SLC22A24: variants seen among roughly 807,000 people sequenced by gnomAD.
SLC22A24 encodes the protein solute carrier family 22 member 24, also known as steroid transmembrane transporter SLC22A24.
Under a neutral mutation model 49.8 loss-of-function variants are expected in SLC22A24, and 53 were observed. The observed-to-expected ratio is 1.06, with a 90% CI of 0.85 to 1.34. The LOEUF is 1.34. Ranked by LOEUF, SLC22A24 falls within the 40% of genes most tolerant of loss-of-function variation. The pLI, the probability that SLC22A24 is intolerant of heterozygous loss-of-function variation, is 0.00. For synonymous variants in SLC22A24, 302 were observed against 256.4 expected (o/e 1.18, Z -1.70); for missense variants, 786 against 675.9 (o/e 1.16, Z -1.81).
chr11:63,134,845 T>A, intron 1 of SLC22A24, 77 bp from the exon 2 acceptor site: 2 of 984,484 alleles, frequency 2.0e-6, no homozygotes, highest in Non-Finnish European at 3.1e-6. Flanking sequence ...TCCAAACTCC[T>A]ACATATGGTG....
chr11:63,099,657 T>C (rs1191679947), intron 5 of SLC22A24, among the ~76,000 whole-genome samples: 2 of 152,034 alleles, frequency 1.3e-5, no homozygotes, highest in Admixed American at 6.6e-5. Flanking sequence ...CTGATGAATA[T>C]TGATACAGAA....
At chr11:63,110,914 C>A (rs905967122) in intron 4 of SLC22A24, among the ~76,000 whole-genome samples, 1 of 151,118 alleles carries the variant, frequency 6.6e-6, no homozygotes, top group Admixed American at 6.6e-5. Context: ...AGAGGGCATC[C>A]CTGTCTTGTG....
chr11:63,096,162 A>T (rs2087053802), intron 5 of SLC22A24, 56 bp from the exon 6 acceptor site: 1 of 1,163,476 alleles, frequency 8.6e-7, no homozygotes, highest in Admixed American at 2.0e-5. Flanking sequence ...TGTGTCAGGC[A>T]TAGTGGTAAG....
At chr11:63,081,518 A>T (rs2086959889) in intron 8 of SLC22A24, 40 bp downstream of exon 8, 2 of 1,377,330 alleles carry the variant, frequency 1.5e-6, no homozygotes, top group Non-Finnish European at 2.0e-6. Context: ...TAAATTCAGA[A>T]ATTTGTGTTT....
At chr11:63,095,699 CA>C (rs1201265087) in intron 6 of SLC22A24, among the ~76,000 whole-genome samples, 1 of 152,008 alleles carries the variant, frequency 6.6e-6, no homozygotes, top group African/African-American at 2.4e-5. Context: ...ATTAGAAAAT[CA>C]AAAAATTAAA....
At chr11:63,097,875 C>G (rs545330528) in intron 5 of SLC22A24, among the ~76,000 whole-genome samples, 9 of 152,032 alleles carry the variant, frequency 5.9e-5, no homozygotes, top group African/African-American at 1.9e-4. Context: ...ACAATGAGAA[C>G]ACATGGACAC....
intron 6 of SLC22A24, 24 bp downstream of exon 6, chr11:63,095,967 G>A (rs1468021485): frequency 1.4e-6 from 2 of 1,475,120 alleles, no homozygotes; most frequent in African/African-American, 1.4e-5. Flanking sequence ...ATTTTAAAGT[G>A]AATCATCACC....
Position 63,143,912 on chromosome 11 carries a change from G to A in SLC22A24, c.-133C>T. On this transcript the variant is annotated 5_prime_UTR_variant, in exon 1 of 10. Transcript: ENST00000612278. ...CCTGACACTGCTTTCTTCTTGGTGG[G>A]CCCTGCACTGAGTGGTGTGACACTA... The A allele has an allele frequency of 1.5e-6, 1 of 680,572 alleles. No individual in the cohort carries two copies. Among genetic ancestry groups the A allele is most frequent in the Non-Finnish European group, 2.1e-6 (1 of 477,878 alleles). The allele number at this position is 680,572 out of a possible 1,614,324, so 42.2% of individuals were successfully genotyped here. A position where few individuals can be genotyped will look rare whatever the true frequency, so the allele number is the denominator to read the frequency against.
In SLC22A24 at chr11:63,119,110, T is replaced by A. The variant is rs1469379817; in HGVS notation, c.662-30A>T. The A allele has an allele frequency of 2.6e-6, 4 of 1,528,842 alleles. No individual in the cohort carries two copies. In the African/African-American group the frequency reaches 5.5e-5, roughly 21 times the overall value. 94.7% of individuals were successfully genotyped at this position (1,528,842 alleles called of 1,614,324 possible). On this transcript the variant is annotated intron_variant, in intron 3 of 9. Transcript: ENST00000612278. Reference sequence around the variant, plus strand: ...AAGAAAACATATACATAGTAATAATTTTAGACAAATGGTAATTTCAAGGTC... The same window carrying A: ...AAGAAAACATATACATAGTAATAATATTAGACAAATGGTAATTTCAAGGTC...
chr11:63,132,927 G>A (rs1258202494), intron 2 of SLC22A24, among the ~76,000 whole-genome samples: 1 of 152,184 alleles, frequency 6.6e-6, no homozygotes, highest in African/African-American at 2.4e-5. Flanking sequence ...ATCTAGAGAG[G>A]CAGTAGTCCT....
At chr11:63,100,167 T>C (rs769077557) in intron 5 of SLC22A24, among the ~76,000 whole-genome samples, 14 of 152,090 alleles carry the variant, frequency 9.2e-5, no homozygotes, top group Non-Finnish European at 1.6e-4. Flanking sequence ...AAGCTTATAT[T>C]TGGGAAAGCC....
At position 63,143,298 on chromosome 11, in the gene SLC22A24, G is replaced by A; in HGVS notation, c.402+80C>T. The stretch of plus-strand genomic sequence containing the variant: ...TGCAGGTCCCATCTAAGGACTAAAG[G>A]TATAAAGCAAGTCAATTTTTTTGTG... On this transcript the variant is annotated intron_variant, in intron 1 of 9. Coordinates refer to ENST00000612278, the MANE Select transcript of SLC22A24 (RefSeq NM_001136506.2). The A allele has an allele frequency of 2.4e-6, 3 of 1,266,824 alleles. No individual in the cohort carries two copies. In the Admixed American group the frequency reaches 1.1e-4, roughly 44 times the overall value. 78.5% of individuals were successfully genotyped at this position (1,266,824 alleles called of 1,614,324 possible). A position where few individuals can be genotyped will look rare whatever the true frequency, so the allele number is the denominator to read the frequency against.
Position 63,123,455 on chromosome 11 carries a change from G to T in SLC22A24, c.507-4120C>A, listed in dbSNP as rs555404870. On this transcript the variant is annotated intron_variant, in intron 2 of 9. Coordinates refer to ENST00000612278, the MANE Select transcript of SLC22A24 (RefSeq NM_001136506.2). Reference sequence around the variant, plus strand: ...TTCATAACTATGAAAATAATTATATGCTAATAAATTCTAAATTATTGTCTC... The same window carrying T: ...TTCATAACTATGAAAATAATTATATTCTAATAAATTCTAAATTATTGTCTC... Among the ~76,000 whole-genome samples the T allele has an allele frequency of 5.3e-5, 8 of 151,996 alleles. No individual in the cohort carries two copies. The South Asian group carries it at 1.0e-3, about 20-fold the overall frequency.
rs1271943411 is a variant in SLC22A24 at position 63,113,031 on chromosome 11, A to T, written c.830+5881T>A. Reference sequence around the variant, plus strand: ...TGTCTCAAAAAAAAAAAAAAAAAAAAAAAAATATATATATATATATATACA... The same window carrying T: ...TGTCTCAAAAAAAAAAAAAAAAAAATAAAAATATATATATATATATATACA... On this transcript the variant is annotated intron_variant, in intron 4 of 9. Coordinates refer to ENST00000612278, the MANE Select transcript of SLC22A24 (RefSeq NM_001136506.2). Among the ~76,000 whole-genome samples the T allele has an allele frequency of 3.4e-3, 141 of 41,304 alleles. 27 individuals carry two copies. The highest frequency in any genetic ancestry group is 0.012 in the African/African-American group (121 of 9,938). The allele number at this position is 41,304 out of a possible 152,430, so 27.1% of individuals were successfully genotyped here.
intron 5 of SLC22A24, among the ~76,000 whole-genome samples, chr11:63,100,579 A>G (rs2087084358): frequency 1.3e-5 from 2 of 152,154 alleles, no homozygotes; most frequent in Admixed American, 6.6e-5. Context: ...TAGTGGAACC[A>G]CAAATGACTT....
intron 5 of SLC22A24, among the ~76,000 whole-genome samples, chr11:63,101,762 GA>G (rs1392325871): frequency 2.6e-5 from 4 of 151,776 alleles, no homozygotes; most frequent in Non-Finnish European, 4.4e-5. Flanking sequence ...GCCATAAAAA[GA>G]ATGAGATTCT....
chr11:63,142,958 TCAA>T (rs560926482), intron 1 of SLC22A24, among the ~76,000 whole-genome samples: 2 of 152,252 alleles, frequency 1.3e-5, no homozygotes, highest in South Asian at 4.1e-4. Flanking sequence ...ACTAAGTATC[TCAA>T]CAACATTTTG....
At chr11:63,090,994 A>G (rs1202543197) in intron 6 of SLC22A24, among the ~76,000 whole-genome samples, 1 of 152,214 alleles carries the variant, frequency 6.6e-6, no homozygotes, top group Non-Finnish European at 1.5e-5. Context: ...TGAATCCAGG[A>G]GCTGATTTTT....
At chr11:63,110,909 G>T (rs1298171723) in intron 4 of SLC22A24, among the ~76,000 whole-genome samples, 1 of 150,838 alleles carries the variant, frequency 6.6e-6, no homozygotes, top group African/African-American at 2.4e-5. Context: ...GTGAGAGAGG[G>T]CATCCCTGTC....
Sources: gnomAD v4.1 joint callset for allele counts (sites outside exome capture counted in the v4.1 genomes callset) on GRCh38, gnomAD v4.1.1 for gene constraint, MANE v1.5 for transcripts, NCBI Gene and HGNC (gene_info 2026-07-23, HGNC 2026-07-21) for gene names.